ANKRD23: variants seen among roughly 807,000 people sequenced by gnomAD.
ANKRD23 encodes ankyrin repeat domain 23.
ANKRD23 carries 52 observed loss-of-function variants against 38.1 expected under a neutral mutation model. That is an observed-to-expected ratio of 1.36 (90% confidence interval 1.09 to 1.72). The LOEUF (loss-of-function observed/expected upper bound fraction) is 1.72. Among genes scored for constraint, ANKRD23 ranks in the 40% most tolerant of loss-of-function variants. The pLI is 0.00. For synonymous variants in ANKRD23, 167 were observed against 162.9 expected, an observed-to-expected ratio of 1.03 and a Z score of -0.19; for missense variants, 416 against 400.2, an observed-to-expected ratio of 1.04 and a Z score of -0.34.
chr2:96,843,624 C>G (rs1162330307), intron 1 of ANKRD23, among the ~76,000 whole-genome samples: 1 of 152,164 alleles, frequency 6.6e-6, no homozygotes, highest in Non-Finnish European at 1.5e-5. Flanking sequence ...TTCGACTTCC[C>G]TCTCTTGCTC....
chr2:96,842,084 G>T lies in ANKRD23; in HGVS notation c.276C>A (p.Pro92=). 1 of 1,613,978 alleles carries T rather than the reference G, an allele frequency of 6.2e-7. No individual in the cohort carries two copies. Among genetic ancestry groups the T allele is most frequent in the Non-Finnish European group, 8.5e-7 (1 of 1,179,944 alleles). The change falls in exon 3 of 9, where the codon CCC becomes CCA. Residue 92 remains proline, a synonymous_variant. Coordinates refer to ENST00000318357, the MANE Select transcript of ANKRD23 (RefSeq NM_144994.8). ...CCTTAACCAGGGGCTCAGGTTTCCT[G>T]GGGGGGACTCTGTGTCTCAGTCGCT... ...RKKRLRHRVP[P]RKPEPLVKPQ...
rs2079754129 is a variant in ANKRD23 at position 96,840,992 on chromosome 2, C to T, written c.301-80G>A. On this transcript the variant is annotated intron_variant, in intron 3 of 8. Transcript: ENST00000318357. ...ATGTCACAGCTTCACCAGTCTGGCC[C>T]ACGGGTCCCATGCAGCCCACCAAGG... 7 of 1,557,832 alleles carry T rather than the reference C, an allele frequency of 4.5e-6. 1 individual carries two copies. In the South Asian group the frequency reaches 4.8e-5, roughly 11 times the overall value.
Position 96,841,131 on chromosome 2 carries a change from A to T in ANKRD23, c.301-219T>A, listed in dbSNP as rs2079756047. The stretch of plus-strand genomic sequence containing the variant: ...ATGGATTGACTTGTATCTCCCCAAG[A>T]TTCGTATGAAGTACTAACCCCAGGT... On this transcript the variant is annotated intron_variant, in intron 3 of 8. Coordinates refer to ENST00000318357, the MANE Select transcript of ANKRD23 (RefSeq NM_144994.8). The T allele has an allele frequency of 1.8e-5, 10 of 541,128 alleles. No individual in the cohort carries two copies. The South Asian group carries it at 2.0e-4, about 11-fold the overall frequency. 33.5% of individuals were successfully genotyped at this position (541,128 alleles called of 1,614,324 possible). A position where few individuals can be genotyped will look rare whatever the true frequency, so the allele number is the denominator to read the frequency against.
At position 96,838,488 on chromosome 2, in the gene ANKRD23, CG is replaced by C; in HGVS notation, c.*1060del. 12 of 986,398 alleles carry C rather than the reference CG, an allele frequency of 1.2e-5. No homozygotes were observed. The highest frequency in any genetic ancestry group is 1.4e-5 in the Non-Finnish European group (12 of 830,158). The allele number at this position is 986,398 out of a possible 1,614,324, so 61.1% of individuals were successfully genotyped here. A position where few individuals can be genotyped will look rare whatever the true frequency, so the allele number is the denominator to read the frequency against. Reference sequence around the variant, plus strand: ...AGGGATGGGAAGGGCTGGGGGGCGGCGGGGGCTCACCTTCCTCTGCTTCCCT... The same window carrying C: ...AGGGATGGGAAGGGCTGGGGGGCGGCGGGGCTCACCTTCCTCTGCTTCCCT... On this transcript the variant is annotated 3_prime_UTR_variant, in exon 9 of 9. Transcript: ENST00000318357.
chr2:96,838,410 G>A lies in ANKRD23; in HGVS notation c.*1139C>T, dbSNP rs1390384123. On this transcript the variant is annotated 3_prime_UTR_variant, in exon 9 of 9. Transcript: ENST00000318357. Reference sequence around the variant, plus strand: ...CAGTGTAATTTGAAACGTACAGACGGTGGAAGAGGAAGTCTAGGGAGCTTG... The same window carrying A: ...CAGTGTAATTTGAAACGTACAGACGATGGAAGAGGAAGTCTAGGGAGCTTG... 3.0e-6 allele frequency: 3 copies of A among 988,072 alleles called. No homozygotes were observed. The highest frequency in any genetic ancestry group is 3.5e-5 in the African/African-American group (2 of 57,310). 61.2% of individuals were successfully genotyped at this position (988,072 alleles called of 1,614,324 possible).
intron 2 of ANKRD23, 49 bp from the exon 3 acceptor site, chr2:96,842,234 ATC>A (rs1342678463): frequency 5.0e-6 from 8 of 1,612,090 alleles, no homozygotes; most frequent in Non-Finnish European, 6.8e-6. Context: ...TGGTCAAGAG[ATC>A]TCTCTGCCCT....
chr2:96,841,037 A>C (rs1322579689), intron 3 of ANKRD23, 125 bp from the exon 4 acceptor site: 1 of 1,200,368 alleles, frequency 8.3e-7, no homozygotes, highest in African/African-American at 1.5e-5. Context: ...GGCTCGTACT[A>C]ATGCAGTTTC....
At chr2:96,842,910 C>T (rs1032749772) in intron 1 of ANKRD23, among the ~76,000 whole-genome samples, 2 of 152,216 alleles carry the variant, frequency 1.3e-5, no homozygotes, top group Non-Finnish European at 2.9e-5. Flanking sequence ...TGCCACCTGA[C>T]TCCAAGCTCA....
chr2:96,843,808 G>A (rs899299476), intron 1 of ANKRD23, among the ~76,000 whole-genome samples, 158 bp downstream of exon 1: 1 of 152,072 alleles, frequency 6.6e-6, no homozygotes, highest in Non-Finnish European at 1.5e-5. Context: ...GCAAGACTCC[G>A]TTTCAAAAAA....
Position 96,839,643 on chromosome 2 carries a change from G to A in ANKRD23, c.824C>T (p.Ala275Val), listed in dbSNP as rs758362502. 3.9e-6 allele frequency: 6 copies of A among 1,525,908 alleles called. No individual in the cohort carries two copies. The highest frequency in any genetic ancestry group is 5.3e-6 in the Non-Finnish European group (6 of 1,133,724). 94.5% of individuals were successfully genotyped at this position (1,525,908 alleles called of 1,614,324 possible). ...YGAELGVRNAASVTPVQLARD... is the reference protein window; with the variant it reads ...YGAELGVRNAVSVTPVQLARD... ...AGCCAGCTGCACCGGGGTCACGGAG[G>A]CCTGGGAGCAACGGTGTGGGTCAGT... Residue 275 changes from alanine (A) to valine (V), a missense_variant and splice_region_variant, in exon 9 of 9, where the codon GCC (alanine) becomes GTC (valine). By Grantham distance (64) the Ala-to-Val change is moderately conservative (BLOSUM62 0). Transcript: ENST00000318357.
chr2:96,841,711 A>C (rs918584682), intron 3 of ANKRD23, among the ~76,000 whole-genome samples: 15 of 152,126 alleles, frequency 9.9e-5, no homozygotes, highest in Non-Finnish European at 1.5e-4. Context: ...TACATCTACA[A>C]GCCAAGGAAC....
At chr2:96,842,592 TG>T in intron 1 of ANKRD23, 81 bp from the exon 2 acceptor site, 3 of 1,509,576 alleles carry the variant, frequency 2.0e-6, no homozygotes, top group Non-Finnish European at 2.7e-6. Flanking sequence ...AGCAGGGAGC[TG>T]TCTTATAAGG....
Position 96,839,212 on chromosome 2 carries a change from C to T in ANKRD23, c.*337G>A. The T allele has an allele frequency of 9.3e-7, 1 of 1,074,814 alleles. No homozygotes were observed. Among genetic ancestry groups the T allele is most frequent in the Non-Finnish European group, 1.1e-6 (1 of 888,410 alleles). The allele number at this position is 1,074,814 out of a possible 1,614,324, so 66.6% of individuals were successfully genotyped here. On this transcript the variant is annotated 3_prime_UTR_variant, in exon 9 of 9. Transcript: ENST00000318357. ...CTCCCAGACCCAGCCCTGGGTGGCT[C>T]CAGCTTGGGACTGCTCCCTTAAGGC...
At chr2:96,841,024 G>C in intron 3 of ANKRD23, 112 bp from the exon 4 acceptor site, 1 of 1,344,126 alleles carries the variant, frequency 7.4e-7, no homozygotes. Flanking sequence ...AAGGAACACT[G>C]CTGGCTCGTA....
chr2:96,840,274 T>C lies in ANKRD23; in HGVS notation c.582A>G (p.Lys194=), dbSNP rs778979801. Residue 194 remains lysine, a synonymous_variant, in exon 6 of 9, where the codon AAA becomes AAG. Coordinates refer to ENST00000318357, the MANE Select transcript of ANKRD23 (RefSeq NM_144994.8). ...ACRGGHLVIL[K]QLLNQGARVN... ...CCCGGGCTCCCTGGTTAAGCAGCTG[T>C]TTGAGGATGACCAGATGTCCTCCGC... 1.9e-6 allele frequency: 3 copies of C among 1,611,372 alleles called. No homozygotes were observed. The Admixed American group carries it at 5.0e-5, about 27-fold the overall frequency.
chr2:96,840,161 G>A, intron 6 of ANKRD23, 66 bp from the exon 7 acceptor site: 4 of 1,560,304 alleles, frequency 2.6e-6, no homozygotes, highest in South Asian at 1.2e-5. Flanking sequence ...ATGGGACTAC[G>A]TGCTCTCTTC....
chr2:96,839,991 C>A lies in ANKRD23; in HGVS notation c.723+6G>T. 6.4e-7 allele frequency: 1 copy of A among 1,553,470 alleles called. No homozygotes were observed. The highest frequency in any genetic ancestry group is 2.4e-5 in the East Asian group (1 of 41,264). ...CGAGCCGGAAAAGACCAAGCGCCTG[C>A]CTTACCTTATCCTGTGCGTTCAGGT... On this transcript the variant is annotated splice_donor_region_variant and intron_variant, in intron 7 of 8. Coordinates refer to ENST00000318357, the MANE Select transcript of ANKRD23 (RefSeq NM_144994.8).
In ANKRD23 at chr2:96,838,671, C is replaced by G; in HGVS notation, c.*878G>C. On this transcript the variant is annotated 3_prime_UTR_variant, in exon 9 of 9. Coordinates refer to ENST00000318357, the MANE Select transcript of ANKRD23 (RefSeq NM_144994.8). ...GGCAAACTAGGGTTACGGGCCACTG[C>G]CCCAAGAGTTGAGTGGGCCACAAGC... is the stretch of plus-strand genomic sequence containing the variant. 1 of 985,520 alleles carries G rather than the reference C, an allele frequency of 1.0e-6. No homozygotes were observed. The highest frequency in any genetic ancestry group is 1.2e-6 in the Non-Finnish European group (1 of 829,972). The allele number at this position is 985,520 out of a possible 1,614,324, so 61.0% of individuals were successfully genotyped here.
Position 96,839,259 on chromosome 2 carries a change from C to T in ANKRD23, c.*290G>A. 5.1e-6 allele frequency: 6 copies of T among 1,174,888 alleles called. No homozygotes were observed. The highest frequency in any genetic ancestry group is 4.2e-6 in the Non-Finnish European group (4 of 951,754). The allele number at this position is 1,174,888 out of a possible 1,614,324, so 72.8% of individuals were successfully genotyped here. On this transcript the variant is annotated 3_prime_UTR_variant, in exon 9 of 9. Transcript: ENST00000318357. Reference sequence around the variant, plus strand: ...AGGCTCGTTCTTGGCCCTCACTCTCCTCCCCTTCCTGGCCCTCATCTGGAC... The same window carrying T: ...AGGCTCGTTCTTGGCCCTCACTCTCTTCCCCTTCCTGGCCCTCATCTGGAC...
Sources: gnomAD v4.1 joint callset for allele counts (sites outside exome capture counted in the v4.1 genomes callset) on GRCh38, gnomAD v4.1.1 for gene constraint, MANE v1.5 for transcripts, NCBI Gene and HGNC (gene_info 2026-07-23, HGNC 2026-07-21) for gene names.